GMEB2: variants seen among roughly 807,000 people sequenced by gnomAD.
GMEB2 encodes glucocorticoid modulatory element-binding protein 2.
Under a neutral mutation model 45.7 loss-of-function variants are expected in GMEB2, and 7 were observed. The observed-to-expected ratio is 0.15, with a 90% CI of 0.09 to 0.29. The LOEUF is 0.29. Ranked by LOEUF, GMEB2 falls within the 10% of genes least tolerant of loss-of-function variation. The pLI, the probability that GMEB2 is intolerant of heterozygous loss-of-function variation, is 1.00. For missense variants in GMEB2, 582 were observed against 739.2 expected (o/e 0.79, Z 2.47); for synonymous variants, 322 against 323.6 (o/e 1.00, Z 0.05).
Position 63,590,320 on chromosome 20 carries a change from G to C in GMEB2, c.1362C>G (p.Leu454=), listed in dbSNP as rs768215209. 6.2e-7 allele frequency: 1 copy of C among 1,612,416 alleles called. No individual in the cohort carries two copies. The highest frequency in any genetic ancestry group is 1.1e-5 in the South Asian group (1 of 91,068). Residue 454 remains leucine (L), a synonymous_variant, in exon 10 of 10, where the codon CTC becomes CTG. Transcript: ENST00000370077. ...TVEIHPDASS[L]TVLSTAAVQD... ...GCACGGCGGCCGTGCTCAGGACCGT[G>C]AGGCTGGACGCGTCCGGGTGGATCT...
In GMEB2 at chr20:63,592,131, G is replaced by T. The variant is rs970723219; in HGVS notation, c.843C>A (p.Leu281=). Residue 281 remains leucine (L), a synonymous_variant, in exon 9 of 10, where the codon CTC becomes CTA. Transcript: ENST00000370077. The surrounding 1 kb of genome is among the most constrained non-coding windows in gnomAD (Gnocchi z 8.2). ...PPLQLRDAVL[L]NNIVQNFGML... Reference sequence around the variant, plus strand: ...TGCCGAAGTTCTGCACGATGTTGTTGAGAAGTACAGCATCTTAAAGGGTAA... The same window carrying T: ...TGCCGAAGTTCTGCACGATGTTGTTTAGAAGTACAGCATCTTAAAGGGTAA... 2.5e-6 allele frequency: 4 copies of T among 1,613,338 alleles called. No individual in the cohort carries two copies. The Admixed American group carries it at 5.0e-5, about 20-fold the overall frequency.
In GMEB2 at chr20:63,592,367, G is replaced by A. The variant is rs188780339; in HGVS notation, c.829+166C>T. 1.3e-5 allele frequency among the ~76,000 whole-genome samples: 2 copies of A among 152,220 alleles called. No individual in the cohort carries two copies. The highest frequency in any genetic ancestry group is 2.4e-5 in the African/African-American group (1 of 41,532). ...GGAGAAGACTGAGATACATCAAGGCGATCCTCCCACCAAGTTCAGCCTCAG... is the reference window on the plus strand; with the variant it reads ...GGAGAAGACTGAGATACATCAAGGCAATCCTCCCACCAAGTTCAGCCTCAG... On this transcript the variant is annotated intron_variant, in intron 8 of 9. Transcript: ENST00000370077. This position sits in a 1 kb window ranked among gnomAD's most constrained non-coding sequence, Gnocchi z 8.2.
Position 63,590,400 on chromosome 20 carries a change from G to T in GMEB2, c.1282C>A (p.Leu428Ile). The change falls in exon 10 of 10, where the codon CTC (leucine) becomes ATC (isoleucine). Residue 428 changes from leucine (L) to isoleucine (I), a missense_variant. By Grantham distance (5) the Leu-to-Ile change is conservative (BLOSUM62 2). Coordinates refer to ENST00000370077, the MANE Select transcript of GMEB2 (RefSeq NM_012384.5). ...PPASSPASPL[L>I]GGYTVLASSG... ...GAGGCCAAGACTGTGTATCCCCCGAGCAGCGGGGAGGCCGGGGAGCTGGCG... is the reference window on the plus strand; with the variant it reads ...GAGGCCAAGACTGTGTATCCCCCGATCAGCGGGGAGGCCGGGGAGCTGGCG... 6.3e-7 allele frequency: 1 copy of T among 1,584,256 alleles called. No individual in the cohort carries two copies. Among genetic ancestry groups the T allele is most frequent in the South Asian group, 1.1e-5 (1 of 89,512 alleles).
rs1465290715 is a variant in GMEB2, at chr20:63,592,366, C to T, written c.829+167G>A. 6.6e-6 allele frequency among the ~76,000 whole-genome samples: 1 copy of T among 152,096 alleles called. No homozygotes were observed. The highest frequency in any genetic ancestry group is 1.5e-5 in the Non-Finnish European group (1 of 68,008). ...GGGAGAAGACTGAGATACATCAAGG[C>T]GATCCTCCCACCAAGTTCAGCCTCA... On this transcript the variant is annotated intron_variant, in intron 8 of 9. Transcript: ENST00000370077. This position sits in a 1 kb window ranked among gnomAD's most constrained non-coding sequence, Gnocchi z 8.2.
intron 6 of GMEB2, among the ~76,000 whole-genome samples, chr20:63,594,913 TA>T (rs1232807003): frequency 3.3e-5 from 5 of 152,130 alleles, no homozygotes; most frequent in Non-Finnish European, 7.4e-5. Flanking sequence ...CACACCCGGC[TA>T]ACTTCTGTAC....
rs544642240 is a variant in GMEB2 at position 63,614,603 on chromosome 20, G to A, written c.131+4664C>T. 1.8e-4 allele frequency among the ~76,000 whole-genome samples: 28 copies of A among 152,302 alleles called. No homozygotes were observed. The East Asian group carries it at 3.5e-3, about 19-fold the overall frequency. ...GGCCTGACATCAGTCAGGCCCGCCC[G>A]CAGTTATCCGGAGGCCTAACCGTCT... On this transcript the variant is annotated intron_variant, in intron 2 of 9. Coordinates refer to ENST00000370077, the MANE Select transcript of GMEB2 (RefSeq NM_012384.5).
At chr20:63,594,190 C>T (rs1377812276) in intron 6 of GMEB2, among the ~76,000 whole-genome samples, 2 of 152,112 alleles carry the variant, frequency 1.3e-5, no homozygotes, top group African/African-American at 4.8e-5. Context: ...GCATCTTTTA[C>T]TAACTGCACA....
At chr20:63,609,714 C>A in intron 2 of GMEB2, among the ~76,000 whole-genome samples, 1 of 56,612 alleles carries the variant, frequency 1.8e-5, no homozygotes, top group Non-Finnish European at 4.0e-5. Flanking sequence ...ACATGCCCCT[C>A]TGACCCACAC....
chr20:63,623,251 T>C (rs1318549281), intron 1 of GMEB2, among the ~76,000 whole-genome samples: 1 of 152,174 alleles, frequency 6.6e-6, no homozygotes, highest in Non-Finnish European at 1.5e-5. Context: ...GGTGGCCATC[T>C]AGGACAGAGC....
chr20:63,615,454 G>A (rs1260724330), intron 2 of GMEB2, among the ~76,000 whole-genome samples: 1 of 151,822 alleles, frequency 6.6e-6, no homozygotes, highest in African/African-American at 2.4e-5. Context: ...AACCTCCCAT[G>A]CAGCTGGGAC....
chr20:63,625,315 A>G (rs1321235074), intron 1 of GMEB2, among the ~76,000 whole-genome samples: 1 of 151,834 alleles, frequency 6.6e-6, no homozygotes, highest in Non-Finnish European at 1.5e-5. Flanking sequence ...AGCTGGGACT[A>G]CAGGCACCCA....
intron 2 of GMEB2, among the ~76,000 whole-genome samples, chr20:63,617,273 G>A (rs1482002962): frequency 2.0e-5 from 3 of 152,208 alleles, no homozygotes; most frequent in Non-Finnish European, 2.9e-5. Context: ...ACCGCGCCTG[G>A]CCGACCGTGA....
intron 2 of GMEB2, among the ~76,000 whole-genome samples, chr20:63,612,116 T>TA (rs1371956662): frequency 6.6e-6 from 1 of 152,058 alleles, no homozygotes; most frequent in East Asian, 1.9e-4. Flanking sequence ...TCTGTCAAGG[T>TA]AAAAAATGGT....
At position 63,588,033 on chromosome 20, in the gene GMEB2, G is replaced by A. The variant is rs2083109356; in HGVS notation, c.*2056C>T. On this transcript the variant is annotated 3_prime_UTR_variant, in exon 10 of 10. Transcript: ENST00000370077. ...AGCCCCTGCCAGAAGCAGCTGGGTT[G>A]GCGGTAGATGTCCCCGAGGGCCTTG... 6.6e-6 allele frequency: 1 copy of A among 152,446 alleles called. No individual in the cohort carries two copies. Among genetic ancestry groups the A allele is most frequent in the Non-Finnish European group, 1.5e-5 (1 of 68,074 alleles). 9.4% of individuals were successfully genotyped at this position (152,446 alleles called of 1,614,324 possible).
At chr20:63,609,553 T>A (rs149526214) in intron 2 of GMEB2, among the ~76,000 whole-genome samples, 1 of 2,680 alleles carries the variant, frequency 3.7e-4, no homozygotes. Flanking sequence ...CCCTCTGACC[T>A]CACCTCCATT....
chr20:63,626,783 A>T (rs2089677936), intron 1 of GMEB2, among the ~76,000 whole-genome samples, 173 bp downstream of exon 1: 1 of 144,044 alleles, frequency 6.9e-6, no homozygotes. Flanking sequence ...CGCCCGCCTG[A>T]CGCCGCCGTT....
chr20:63,621,904 G>T (rs2089644540), intron 1 of GMEB2, among the ~76,000 whole-genome samples: 1 of 151,974 alleles, frequency 6.6e-6, no homozygotes, highest in Non-Finnish European at 1.5e-5. Flanking sequence ...CAAGAGGAAT[G>T]CTTGAGCTCA....
rs778177804 is a variant in GMEB2 at position 63,597,718 on chromosome 20, C to T, written c.461+39G>A. 9.2e-6 allele frequency: 10 copies of T among 1,088,192 alleles called. No individual in the cohort carries two copies. The South Asian group carries it at 1.1e-4, about 12-fold the overall frequency. The allele number at this position is 1,088,192 out of a possible 1,614,324, so 67.4% of individuals were successfully genotyped here. On this transcript the variant is annotated intron_variant, in intron 5 of 9. Transcript: ENST00000370077. ...ACAAGAAAGCAAGAGCTGCCAGGGC[C>T]CCTTCCAGCAGGGAGGCTGACCCTG...
In GMEB2 at chr20:63,593,705, T is replaced by C. The variant is rs1043398981; in HGVS notation, c.620-623A>G. ...CATTTTGGGCGTTGCTGATAGAGAC[T>C]TTATACACAGATCTGGCTTAAAAAA... On this transcript the variant is annotated intron_variant, in intron 6 of 9. Transcript: ENST00000370077. This position sits in a 1 kb window ranked among gnomAD's most constrained non-coding sequence, Gnocchi z 4.7. Among the ~76,000 whole-genome samples, 1 of 152,086 alleles carries C rather than the reference T, an allele frequency of 6.6e-6. No individual in the cohort carries two copies. Among genetic ancestry groups the C allele is most frequent in the African/African-American group, 2.4e-5 (1 of 41,392 alleles).
Sources: gnomAD v4.1 joint callset for allele counts (sites outside exome capture counted in the v4.1 genomes callset) on GRCh38, gnomAD v4.1.1 for gene constraint, Gnocchi (gnomAD v3.1) non-coding constraint, MANE v1.5 for transcripts, NCBI Gene and HGNC (gene_info 2026-07-23, HGNC 2026-07-21) for gene names.